SHQ1: variants seen among roughly 807,000 people sequenced by gnomAD.
SHQ1 encodes the protein SHQ1, H/ACA ribonucleoprotein assembly factor.
In SHQ1, 49 loss-of-function variants were observed where a neutral mutation model predicts 53.8. That is an observed-to-expected ratio of 0.91 (90% CI 0.72 to 1.16). The LOEUF (loss-of-function observed/expected upper bound fraction) is 1.16, where lower values mean the gene tolerates loss of function less well. SHQ1 is among the 50% of genes most tolerant of loss of function. SHQ1 has a pLI of 0.00. For synonymous variants in SHQ1, 243 were observed against 251.0 expected, an observed-to-expected ratio of 0.97 and a Z score of 0.30; for missense variants, 738 against 683.1, an observed-to-expected ratio of 1.08 and a Z score of -0.90.
At chr3:72,750,937 T>G in intron 10 of SHQ1, 101 bp from the exon 11 acceptor site, 1 of 889,918 alleles carries the variant, frequency 1.1e-6, no homozygotes, top group Non-Finnish European at 1.7e-6. Flanking sequence ...ATCCATATTT[T>G]AAATGGCACA....
At chr3:72,725,276 G>A in the SHQ1 span, among the ~76,000 whole-genome samples, 2 of 151,986 alleles carry the variant, frequency 1.3e-5, no homozygotes, top group Admixed American at 6.6e-5. Flanking sequence ...ACTGCACCAC[G>A]CACACTCAGG....
At chr3:72,803,233 A>C (rs566408489) in intron 9 of SHQ1, among the ~76,000 whole-genome samples, 1 of 152,346 alleles carries the variant, frequency 6.6e-6, no homozygotes, top group East Asian at 1.9e-4. Context: ...CTTTAAAAAA[A>C]TTTTAAAGAT....
At chr3:72,786,205 G>A (rs536283557) in intron 10 of SHQ1, among the ~76,000 whole-genome samples, 2 of 152,184 alleles carry the variant, frequency 1.3e-5, no homozygotes, top group African/African-American at 4.8e-5. Context: ...ATTTTTCCTG[G>A]ATTACCCTGC....
At chr3:72,786,189 C>A (rs1706226322) in intron 10 of SHQ1, among the ~76,000 whole-genome samples, 1 of 152,200 alleles carries the variant, frequency 6.6e-6, no homozygotes, top group African/African-American at 2.4e-5. Flanking sequence ...TCACCTGGCT[C>A]AGGCTATTTT....
At chr3:72,757,796 G>A (rs1450708773) in intron 10 of SHQ1, among the ~76,000 whole-genome samples, 1 of 152,088 alleles carries the variant, frequency 6.6e-6, no homozygotes, top group African/African-American at 2.4e-5. Context: ...ACACATAGAG[G>A]GGAACAACAC....
chr3:72,788,185 ATGTGAGGAG>A, intron 10 of SHQ1, among the ~76,000 whole-genome samples: 5 of 147,294 alleles, frequency 3.4e-5, no homozygotes, highest in Non-Finnish European at 6.0e-5. Flanking sequence ...ATCGTCTGGG[ATGTGAGGAG>A]CCCCTCTGCC....
intron 10 of SHQ1, chr3:72,772,677 C>A (rs367943556): frequency 1.2e-5 from 9 of 722,098 alleles, no homozygotes; most frequent in African/African-American, 1.2e-4. Context: ...GTGCTTCCAT[C>A]AAGTAAGAGC....
At chr3:72,766,970 A>T (rs1219610284) in intron 10 of SHQ1, among the ~76,000 whole-genome samples, 2 of 152,164 alleles carry the variant, frequency 1.3e-5, no homozygotes, top group Non-Finnish European at 2.9e-5. Flanking sequence ...ATTTAATTTG[A>T]ACTAATTTAA....
intron 1 of SHQ1, among the ~76,000 whole-genome samples, chr3:72,847,862 C>G (rs1708397437): frequency 6.6e-6 from 1 of 151,916 alleles, no homozygotes; most frequent in South Asian, 2.1e-4. Context: ...AGAGCAAACG[C>G]GGAGTGAAAG....
chr3:72,783,233 G>A (rs760155890), intron 10 of SHQ1, among the ~76,000 whole-genome samples: 1 of 152,110 alleles, frequency 6.6e-6, no homozygotes, highest in Non-Finnish European at 1.5e-5. Context: ...GATAAAGGTA[G>A]AGTATTTTCC....
intron 4 of SHQ1, among the ~76,000 whole-genome samples, chr3:72,838,407 G>A (rs1005811243): frequency 2.0e-5 from 3 of 152,186 alleles, no homozygotes; most frequent in Non-Finnish European, 2.9e-5. Flanking sequence ...CAATGCTCTT[G>A]CAATTAAAAT....
downstream of SHQ1, among the ~76,000 whole-genome samples, chr3:72,744,298 A>C (rs1705218665): frequency 6.6e-6 from 1 of 152,206 alleles, no homozygotes; most frequent in African/African-American, 2.4e-5. Flanking sequence ...CACTATGAAC[A>C]CTTAAAATAT....
At chr3:72,728,741 G>C in the SHQ1 span, among the ~76,000 whole-genome samples, 9 of 152,190 alleles carry the variant, frequency 5.9e-5, no homozygotes, top group African/African-American at 2.2e-4. Flanking sequence ...GCACAAGTTA[G>C]GAAGCAAATC....
chr3:72,791,348 A>G (rs1429925573), intron 10 of SHQ1, among the ~76,000 whole-genome samples: 1 of 152,216 alleles, frequency 6.6e-6, no homozygotes, highest in Non-Finnish European at 1.5e-5. Flanking sequence ...GGGGTTAAAC[A>G]TTCAATTTTC....
chr3:72,745,442 AAG>A (rs1187651209), downstream of SHQ1, among the ~76,000 whole-genome samples: 2 of 152,208 alleles, frequency 1.3e-5, no homozygotes, highest in Non-Finnish European at 2.9e-5. Flanking sequence ...ATAATGGGAC[AAG>A]AGAGACAGAA....
At chr3:72,787,204 A>AG (rs1174546726) in intron 10 of SHQ1, among the ~76,000 whole-genome samples, 75 of 152,264 alleles carry the variant, frequency 4.9e-4, no homozygotes, top group African/African-American at 1.8e-3. Flanking sequence ...CAGCAAAAAA[A>AG]GTTAATTGCA....
At chr3:72,754,227 G>A (rs1575673935) in intron 10 of SHQ1, among the ~76,000 whole-genome samples, 1 of 152,260 alleles carries the variant, frequency 6.6e-6, no homozygotes, top group South Asian at 2.1e-4. Flanking sequence ...ACTAGAGCTT[G>A]CAGGGGTAGG....
chr3:72,784,845 G>C (rs945456746), intron 10 of SHQ1, among the ~76,000 whole-genome samples: 3 of 152,146 alleles, frequency 2.0e-5, no homozygotes, highest in Non-Finnish European at 2.9e-5. Context: ...AGTGACTTGG[G>C]GGGTGGTAGG....
At chr3:72,807,241 C>G (rs1020016700) in intron 9 of SHQ1, among the ~76,000 whole-genome samples, 2 of 152,156 alleles carry the variant, frequency 1.3e-5, no homozygotes, top group Non-Finnish European at 2.9e-5. Flanking sequence ...TATTTTCACT[C>G]TCCATATTTC....
Sources: allele counts gnomAD v4.1 joint callset (sites outside exome capture counted in the v4.1 genomes callset), GRCh38; gene constraint gnomAD v4.1.1; transcripts MANE v1.5; gene names NCBI Gene and HGNC (gene_info 2026-07-23, HGNC 2026-07-21).